The following SORL1 variants were observed in gnomAD, a reference collection of about 807,000 sequenced individuals.
SORL1 encodes the protein sortilin-related receptor.
Under a neutral mutation model 273.7 loss-of-function variants are expected in SORL1, and 127 were observed. The ratio of observed to expected loss-of-function variants is 0.46; its 90% CI spans 0.40 to 0.54. The LOEUF (loss-of-function observed/expected upper bound fraction) is 0.54. Ranked by LOEUF, SORL1 falls within the 20% of genes least tolerant of loss-of-function variation. The pLI is 0.00. For missense variants in SORL1, 2,494 were observed against 2,846.1 expected (o/e 0.88, Z 2.81); for synonymous variants, 1,031 against 1,067.4 (o/e 0.97, Z 0.66).
At chr11:121,496,566 A>G (rs148726742) in intron 5 of SORL1, among the ~76,000 whole-genome samples, 5 of 152,332 alleles carry the variant, frequency 3.3e-5, no homozygotes, top group African/African-American at 1.2e-4. Flanking sequence ...TCCCTTGCTT[A>G]TTAATTTTGA....
At chr11:121,458,520 G>C (rs917783669) in intron 1 of SORL1, among the ~76,000 whole-genome samples, 1 of 152,196 alleles carries the variant, frequency 6.6e-6, no homozygotes, top group Non-Finnish European at 1.5e-5. Flanking sequence ...GGTCTGGGCT[G>C]TGGGGGTGAG....
At chr11:121,605,063 G>A (rs766941774) in intron 33 of SORL1, 50 bp from the exon 34 acceptor site, 43 of 1,553,606 alleles carry the variant, frequency 2.8e-5, no homozygotes, top group Non-Finnish European at 3.4e-5. Flanking sequence ...GAGCCACCAC[G>A]CCCAGCCAAG....
intron 2 of SORL1, among the ~76,000 whole-genome samples, chr11:121,477,488 G>A (rs1195720715): frequency 4.6e-5 from 7 of 152,144 alleles, no homozygotes; most frequent in African/African-American, 9.7e-5. Flanking sequence ...ACTCAGCCCC[G>A]GTGAGGAGGT....
chr11:121,605,553 C>A lies in SORL1; in HGVS notation c.4930C>A (p.Leu1644Met). 6.2e-7 allele frequency: 1 copy of A among 1,613,898 alleles called. No individual in the cohort carries two copies. The highest frequency in any genetic ancestry group is 8.5e-7 in the Non-Finnish European group (1 of 1,179,814). Residue 1644 changes from leucine to methionine, a missense_variant, in exon 35 of 48, where the codon CTG (leucine) becomes ATG (methionine). Leu to Met is a conservative substitution (Grantham distance 15). Coordinates refer to ENST00000260197, the MANE Select transcript of SORL1 (RefSeq NM_003105.6). ...ACACAACACCAATGACTTTGTGACC[C>A]TGAGGACCCCAGAGGGATGTAAGTG... ...KAHNTNDFVT[L>M]RTPEGLPDAP...
rs564006388 is a variant in SORL1 at position 121,470,067 on chromosome 11, G to A, written c.346G>A (p.Val116Met). ...VVHWAGEKSN[V>M]IVALARDSLA... ...GCACTGGGCTGGAGAGAAAAGCAAC[G>A]TGATCGTGGCCTTGGCCCGAGATAG... Residue 116 changes from valine to methionine, a missense_variant, in exon 2 of 48, where the codon GTG (valine) becomes ATG (methionine). Transcript: ENST00000260197. 32 of 1,614,194 alleles carry A rather than the reference G, an allele frequency of 2.0e-5. No individual in the cohort carries two copies. Among genetic ancestry groups the A allele is most frequent in the Non-Finnish European group, 2.5e-5 (29 of 1,180,016 alleles).
intron 1 of SORL1, among the ~76,000 whole-genome samples, chr11:121,456,702 A>T (rs751441441): frequency 2.7e-4 from 41 of 152,320 alleles, no homozygotes; most frequent in Non-Finnish European, 4.6e-4. Flanking sequence ...TTTGGAATAA[A>T]GCACAAAGCC....
chr11:121,575,331 G>A (rs1565341634), intron 24 of SORL1, among the ~76,000 whole-genome samples: 1 of 152,200 alleles, frequency 6.6e-6, no homozygotes, highest in South Asian at 2.1e-4. Flanking sequence ...GCTGACCTCC[G>A]AAGGAGACAT....
chr11:121,519,883 A>C (rs1289994992), intron 8 of SORL1, among the ~76,000 whole-genome samples: 2 of 152,026 alleles, frequency 1.3e-5, no homozygotes, highest in Non-Finnish European at 2.9e-5. Context: ...ATCATTCTAA[A>C]CCCCCTGTTA....
At chr11:121,609,976 C>T (rs748725248) in intron 38 of SORL1, 4 of 152,336 alleles carry the variant, frequency 2.6e-5, no homozygotes, top group East Asian at 1.9e-4. Context: ...ATGCAGCACT[C>T]GCACTGTTTT....
chr11:121,494,254 A>G (rs687228), intron 5 of SORL1, among the ~76,000 whole-genome samples: 61,397 of 152,024 alleles, frequency 0.4, 12,838 homozygotes, highest in East Asian at 0.55. Context: ...GAAGCTAATG[A>G]CATGTCGGTT....
intron 2 of SORL1, among the ~76,000 whole-genome samples, chr11:121,470,801 C>T (rs1447526943): frequency 3.3e-5 from 5 of 152,174 alleles, no homozygotes; most frequent in African/African-American, 1.2e-4. Context: ...ACTCAGCCTC[C>T]AGAGTAGCAG....
chr11:121,532,797 T>G (rs1862220922), intron 12 of SORL1, among the ~76,000 whole-genome samples: 1 of 152,008 alleles, frequency 6.6e-6, no homozygotes, highest in South Asian at 2.1e-4. Flanking sequence ...GCGATTCTCC[T>G]GCCTCAGCCT....
intron 7 of SORL1, among the ~76,000 whole-genome samples, chr11:121,513,601 A>G (rs1861910594): frequency 6.6e-6 from 1 of 152,188 alleles, no homozygotes; most frequent in African/African-American, 2.4e-5. Flanking sequence ...AAAAGTCTGC[A>G]TGGGATGGGT....
At chr11:121,472,817 G>C (rs969085490) in intron 2 of SORL1, among the ~76,000 whole-genome samples, 1 of 152,132 alleles carries the variant, frequency 6.6e-6, no homozygotes, top group Admixed American at 6.5e-5. Flanking sequence ...AAAATTAGCT[G>C]GGTGTGGTGG....
chr11:121,532,081 T>A (rs1862210164), intron 11 of SORL1, among the ~76,000 whole-genome samples: 1 of 152,220 alleles, frequency 6.6e-6, no homozygotes, highest in African/African-American at 2.4e-5. Context: ...GCAGGAAGGA[T>A]GGGCTATAGA....
chr11:121,509,250 G>C (rs1490411270), intron 6 of SORL1, among the ~76,000 whole-genome samples: 2 of 151,796 alleles, frequency 1.3e-5, no homozygotes, highest in Non-Finnish European at 2.9e-5. Flanking sequence ...CCCATGCCTT[G>C]GGAGGGCTTA....
chr11:121,500,830 T>A, intron 6 of SORL1, among the ~76,000 whole-genome samples: 1 of 152,198 alleles, frequency 6.6e-6, no homozygotes, highest in East Asian at 1.9e-4. Context: ...CCAATTCAAG[T>A]ATTTTGATGT....
At chr11:121,513,340 G>C (rs1168693580) in intron 7 of SORL1, among the ~76,000 whole-genome samples, 1 of 152,230 alleles carries the variant, frequency 6.6e-6, no homozygotes, top group African/African-American at 2.4e-5. Flanking sequence ...CTGGCAGAGA[G>C]AGGTTCGAGC....
chr11:121,459,476 A>G (rs640515), intron 1 of SORL1, among the ~76,000 whole-genome samples: 53,475 of 151,944 alleles, frequency 0.35, 10,045 homozygotes, highest in East Asian at 0.57. Flanking sequence ...TTTCCTAGGT[A>G]GGAACTCACC....
Sources: allele counts gnomAD v4.1 joint callset (sites outside exome capture counted in the v4.1 genomes callset), GRCh38; gene constraint gnomAD v4.1.1; transcripts MANE v1.5; gene names NCBI Gene and HGNC (gene_info 2026-07-23, HGNC 2026-07-21).